The following CACNB4 variants were observed in gnomAD, a reference collection of about 807,000 sequenced individuals.
CACNB4 encodes the protein voltage-dependent L-type calcium channel subunit beta-4.
A neutral mutation model predicts 71.2 loss-of-function variants in CACNB4; 32 were observed. That is an observed-to-expected ratio of 0.45 (90% CI 0.34 to 0.60). CACNB4 has a LOEUF of 0.60. CACNB4 is among the 20% of genes least tolerant of loss of function. The pLI, the probability that CACNB4 is intolerant of heterozygous loss-of-function variation, is 0.01. For missense variants in CACNB4, 464 were observed against 647.9 expected, an observed-to-expected ratio of 0.72 and a Z score of 3.08; for synonymous variants, 231 against 236.9, an observed-to-expected ratio of 0.97 and a Z score of 0.23.
chr2:151,982,604 G>T (rs1355302054), intron 2 of CACNB4, among the ~76,000 whole-genome samples: 1 of 143,908 alleles, frequency 6.9e-6, no homozygotes, highest in Admixed American at 7.1e-5. Flanking sequence ...CTGCACTCCA[G>T]CCTGGACGAC....
At chr2:151,983,463 T>C (rs2099875065) in intron 2 of CACNB4, among the ~76,000 whole-genome samples, 2 of 152,322 alleles carry the variant, frequency 1.3e-5, no homozygotes, top group South Asian at 2.1e-4. Flanking sequence ...TTGATCTAAA[T>C]GCCAATTCTC....
intron 2 of CACNB4, among the ~76,000 whole-genome samples, chr2:151,927,669 AG>A (rs2151591968): frequency 6.6e-6 from 1 of 152,374 alleles, no homozygotes; most frequent in African/African-American, 2.4e-5. Flanking sequence ...CACGAACTGC[AG>A]GTGAGTCAGC....
At chr2:152,029,238 T>C (rs1475089873) in intron 2 of CACNB4, among the ~76,000 whole-genome samples, 1 of 151,866 alleles carries the variant, frequency 6.6e-6, no homozygotes, top group Admixed American at 6.6e-5. Context: ...CTCACGCCTG[T>C]AATCCCAGCA....
chr2:152,047,631 C>T (rs768966261), intron 2 of CACNB4, among the ~76,000 whole-genome samples: 1 of 152,178 alleles, frequency 6.6e-6, no homozygotes, highest in Non-Finnish European at 1.5e-5. Flanking sequence ...CGGTGGCTCA[C>T]GCCTGTAATC....
At position 152,098,935 on chromosome 2, in the gene CACNB4, G is replaced by A. The variant is rs760844829; in HGVS notation, c.63+14C>T. On this transcript the variant is annotated intron_variant, in intron 1 of 13. Transcript: ENST00000539935. This position sits in a 1 kb window ranked among gnomAD's most constrained non-coding sequence, Gnocchi z 5.3. ...AAGAGGAGGAAGAGGAGAAGGGGGA[G>A]GAGGGGGCGGTACCTGCGAGGTGGG... 1 of 1,452,194 alleles carries A rather than the reference G, an allele frequency of 6.9e-7. No homozygotes were observed. Among genetic ancestry groups the A allele is most frequent in the East Asian group, 2.5e-5 (1 of 39,800 alleles). 90.0% of individuals were successfully genotyped at this position (1,452,194 alleles called of 1,614,324 possible). A position where few individuals can be genotyped will look rare whatever the true frequency, so the allele number is the denominator to read the frequency against.
chr2:152,038,904 T>C (rs889554407), intron 2 of CACNB4, among the ~76,000 whole-genome samples: 1 of 152,046 alleles, frequency 6.6e-6, no homozygotes, highest in Non-Finnish European at 1.5e-5. Context: ...CCCAAGAGGG[T>C]GTGACACTTC....
intron 2 of CACNB4, among the ~76,000 whole-genome samples, chr2:152,096,462 C>T (rs1428521946): frequency 2.6e-5 from 4 of 152,000 alleles, no homozygotes; most frequent in African/African-American, 4.8e-5. Flanking sequence ...CCAGCCTGGG[C>T]GACAGAGCAA....
At chr2:151,994,023 T>C (rs909137585) in intron 2 of CACNB4, among the ~76,000 whole-genome samples, 3 of 151,640 alleles carry the variant, frequency 2.0e-5, no homozygotes, top group African/African-American at 4.8e-5. Context: ...AATTTAAAAA[T>C]TAGCTGAGTA....
rs1361873562 is a variant in CACNB4 at position 151,958,953 on chromosome 2, A to C, written c.148-75583T>G. On this transcript the variant is annotated intron_variant, in intron 2 of 13. Transcript: ENST00000539935. ...TCAAATGGGAGGCTAGGTATTTTTA[A>C]ATGTAGGTACAAAGATAACAACTAC... 3.3e-5 allele frequency among the ~76,000 whole-genome samples: 5 copies of C among 152,338 alleles called. No homozygotes were observed. In the East Asian group the frequency reaches 9.6e-4, roughly 29 times the overall value.
At chr2:152,024,289 T>C (rs1347226380) in intron 2 of CACNB4, among the ~76,000 whole-genome samples, 2 of 152,240 alleles carry the variant, frequency 1.3e-5, no homozygotes, top group Non-Finnish European at 2.9e-5. Context: ...CGTGCCACTG[T>C]ACCTCTGTGC....
chr2:151,970,110 A>G (rs2151726421), intron 2 of CACNB4: 1 of 152,298 alleles, frequency 6.6e-6, no homozygotes, highest in South Asian at 2.1e-4. Context: ...TACCCTAAGA[A>G]TCCGTATTTC....
In CACNB4 at chr2:151,837,693, C is replaced by T. The variant is rs1455116396; in HGVS notation, c.*1426G>A. 6.6e-6 allele frequency: 1 copy of T among 151,618 alleles called. No homozygotes were observed. The highest frequency in any genetic ancestry group is 2.4e-5 in the African/African-American group (1 of 41,272). The allele number at this position is 151,618 out of a possible 1,614,324, so 9.4% of individuals were successfully genotyped here. On this transcript the variant is annotated 3_prime_UTR_variant, in exon 14 of 14. Coordinates refer to ENST00000539935, the MANE Select transcript of CACNB4 (RefSeq NM_000726.5). The stretch of plus-strand genomic sequence containing the variant: ...TTAGATCAGAGTGAATCTAAGGCTT[C>T]CTTGATAATATAAAACATAGGTCAC...
At chr2:152,064,772 C>T (rs2105346235) in intron 2 of CACNB4, among the ~76,000 whole-genome samples, 1 of 152,282 alleles carries the variant, frequency 6.6e-6, no homozygotes, top group East Asian at 1.9e-4. Context: ...TAATTATCAC[C>T]TAAGACAGTT....
intron 2 of CACNB4, among the ~76,000 whole-genome samples, chr2:151,999,246 G>GC (rs1682254156): frequency 6.6e-6 from 1 of 151,996 alleles, no homozygotes; most frequent in Non-Finnish European, 1.5e-5. Flanking sequence ...GTTCATGTCC[G>GC]CCCCCTCTGG....
chr2:152,005,612 C>A (rs1272165417), intron 2 of CACNB4, among the ~76,000 whole-genome samples: 3 of 152,186 alleles, frequency 2.0e-5, no homozygotes, highest in Non-Finnish European at 4.4e-5. Context: ...ACCTCAGCAC[C>A]ACACAACCTC....
At chr2:151,948,451 G>A (rs919418116) in intron 2 of CACNB4, among the ~76,000 whole-genome samples, 1 of 152,118 alleles carries the variant, frequency 6.6e-6, no homozygotes, top group East Asian at 1.9e-4. Flanking sequence ...GTTGAGCCCA[G>A]GAGTTTGAGA....
chr2:151,974,223 A>G (rs2151738666), intron 2 of CACNB4, among the ~76,000 whole-genome samples: 1 of 152,350 alleles, frequency 6.6e-6, no homozygotes, highest in Middle Eastern at 3.4e-3. Context: ...TAAATTCACA[A>G]TTGGAGAAGG....
chr2:151,998,183 G>A (rs1189852698), intron 2 of CACNB4, among the ~76,000 whole-genome samples: 1 of 151,938 alleles, frequency 6.6e-6, no homozygotes, highest in Non-Finnish European at 1.5e-5. Flanking sequence ...AAATTAGCTG[G>A]GCATGGTGTT....
intron 2 of CACNB4, among the ~76,000 whole-genome samples, chr2:151,991,745 TTCTC>T (rs1681716365): frequency 1.3e-5 from 2 of 152,208 alleles, no homozygotes; most frequent in Admixed American, 1.3e-4. Flanking sequence ...AAAACTATCT[TTCTC>T]TATAGGGAGT....
Sources: allele counts gnomAD v4.1 joint callset (sites outside exome capture counted in the v4.1 genomes callset), GRCh38; gene constraint gnomAD v4.1.1; non-coding constraint Gnocchi (gnomAD v3.1); transcripts MANE v1.5; gene names NCBI Gene and HGNC (gene_info 2026-07-23, HGNC 2026-07-21).